The following CSNK1G1 variants were observed in gnomAD, a reference collection of about 807,000 sequenced individuals.
CSNK1G1 encodes the protein casein kinase 1 gamma 1.
In CSNK1G1, 22 loss-of-function variants were observed where a neutral mutation model predicts 59.6. That is an observed-to-expected ratio of 0.37 (90% confidence interval 0.26 to 0.53). The LOEUF (loss-of-function observed/expected upper bound fraction) is 0.53, where lower values mean the gene tolerates loss of function less well. CSNK1G1 is among the 20% of genes least tolerant of loss of function. CSNK1G1 has a pLI of 0.89. For synonymous variants in CSNK1G1, 179 were observed against 177.1 expected, an observed-to-expected ratio of 1.01 and a Z score of -0.08; for missense variants, 384 against 519.5, an observed-to-expected ratio of 0.74 and a Z score of 2.54.
intron 1 of CSNK1G1, among the ~76,000 whole-genome samples, chr15:64,309,353 A>ACACAC (rs1566942519): frequency 7.7e-6 from 1 of 130,650 alleles, no homozygotes; most frequent in African/African-American, 2.8e-5. Context: ...CACACACACA[A>ACACAC]ATAAATGAGT....
intron 11 of CSNK1G1, among the ~76,000 whole-genome samples, chr15:64,173,596 G>T (rs1030202439): frequency 1.2e-4 from 18 of 149,332 alleles, no homozygotes; most frequent in Non-Finnish European, 2.4e-4. Context: ...GGTGTTTTTT[G>T]GTGTTTTTCT....
intron 1 of CSNK1G1, among the ~76,000 whole-genome samples, chr15:64,345,072 A>C (rs1897879875): frequency 6.6e-6 from 1 of 152,200 alleles, no homozygotes; most frequent in South Asian, 2.1e-4. Flanking sequence ...CTTGCATCAT[A>C]CCCTAGATGA....
At chr15:64,225,446 T>C (rs1241668073) in intron 4 of CSNK1G1, among the ~76,000 whole-genome samples, 1 of 152,184 alleles carries the variant, frequency 6.6e-6, no homozygotes, top group Non-Finnish European at 1.5e-5. Context: ...TGGTCCATTC[T>C]GGGACCTTCA....
Position 64,204,523 on chromosome 15 carries a change from T to C in CSNK1G1, c.917A>G (p.Tyr306Cys), listed in dbSNP as rs1373142128. ...LDFFEKPDYE[Y>C]LRTLFTDLFE... ...GAGGTCTGTGAAGAGGGTCCGTAAA[T>C]ACTCATAATCAGGTTTTTCAAAGAA... Residue 306 changes from tyrosine (Y) to cysteine (C), a missense_variant, in exon 9 of 12, where the codon TAT becomes TGT. By Grantham distance (194) the Tyr-to-Cys change is radical. Coordinates refer to ENST00000303052, the MANE Select transcript of CSNK1G1 (RefSeq NM_022048.5). 1 of 1,613,088 alleles carries C rather than the reference T, an allele frequency of 6.2e-7. No individual in the cohort carries two copies. The highest frequency in any genetic ancestry group is 1.3e-5 in the African/African-American group (1 of 74,728).
intron 3 of CSNK1G1, among the ~76,000 whole-genome samples, chr15:64,258,391 A>T (rs984739701): frequency 2.0e-5 from 3 of 151,892 alleles, no homozygotes; most frequent in Admixed American, 6.6e-5. Context: ...TCCAAAAAAA[A>T]AAAAATAAAG....
intron 3 of CSNK1G1, among the ~76,000 whole-genome samples, chr15:64,254,284 T>C (rs970222399): frequency 6.6e-6 from 1 of 151,638 alleles, no homozygotes; most frequent in Non-Finnish European, 1.5e-5. Flanking sequence ...TTAGGGAAGA[T>C]GAAAAAGTTC....
intron 2 of CSNK1G1, among the ~76,000 whole-genome samples, chr15:64,292,323 A>G (rs1894789246): frequency 6.6e-6 from 1 of 152,222 alleles, no homozygotes; most frequent in Admixed American, 6.5e-5. Context: ...AATCACAGAA[A>G]TAAGTGTCTT....
At chr15:64,183,323 T>C (rs1320371871) in intron 10 of CSNK1G1, among the ~76,000 whole-genome samples, 1 of 152,236 alleles carries the variant, frequency 6.6e-6, no homozygotes, top group Non-Finnish European at 1.5e-5. Flanking sequence ...TCAATGAGCA[T>C]GTGGTCTCAA....
At chr15:64,175,751 T>A (rs891396478) in intron 11 of CSNK1G1, among the ~76,000 whole-genome samples, 1 of 152,216 alleles carries the variant, frequency 6.6e-6, no homozygotes, top group African/African-American at 2.4e-5. Flanking sequence ...TCCCCCTTTT[T>A]TGAGGTTGCT....
chr15:64,303,897 G>T (rs1895512415), intron 1 of CSNK1G1, among the ~76,000 whole-genome samples: 2 of 142,560 alleles, frequency 1.4e-5, no homozygotes, highest in African/African-American at 5.3e-5. Context: ...TCCAGTATGG[G>T]TGAGAGCAAG....
intron 1 of CSNK1G1, among the ~76,000 whole-genome samples, chr15:64,343,963 A>G (rs935385641): frequency 3.9e-5 from 6 of 152,044 alleles, no homozygotes; most frequent in African/African-American, 1.4e-4. Context: ...AGCAAATTAC[A>G]TTCCTTTCTT....
In CSNK1G1 at chr15:64,234,991, G is replaced by A. The variant is rs375187960; in HGVS notation, c.292+16521C>T. On this transcript the variant is annotated intron_variant, in intron 4 of 11. Coordinates refer to ENST00000303052, the MANE Select transcript of CSNK1G1 (RefSeq NM_022048.5). ...CCCACAAAATACAAGAAGCAGAGAAGGCTGGTAATGTAGACAAAATGATAC... is the reference window on the plus strand; with the variant it reads ...CCCACAAAATACAAGAAGCAGAGAAAGCTGGTAATGTAGACAAAATGATAC... 2.0e-5 allele frequency among the ~76,000 whole-genome samples: 3 copies of A among 152,156 alleles called. No homozygotes were observed. In the East Asian group the frequency reaches 5.8e-4, roughly 29 times the overall value.
chr15:64,308,237 G>A (rs1029351040), intron 1 of CSNK1G1, among the ~76,000 whole-genome samples: 7 of 151,764 alleles, frequency 4.6e-5, no homozygotes, highest in African/African-American at 9.7e-5. Context: ...TCATAAATTC[G>A]TCTGTTCTAC....
chr15:64,287,197 C>T (rs1227417818), intron 2 of CSNK1G1, among the ~76,000 whole-genome samples: 1 of 152,118 alleles, frequency 6.6e-6, no homozygotes, highest in African/African-American at 2.4e-5. Context: ...GTTGTTCTCC[C>T]TAGACCAAGT....
chr15:64,178,321 C>G (rs182093278), intron 11 of CSNK1G1, among the ~76,000 whole-genome samples: 103 of 152,156 alleles, frequency 6.8e-4, no homozygotes, highest in African/African-American at 2.3e-3. Context: ...CAGCATAACC[C>G]TCACCCCCTT....
chr15:64,265,423 C>T lies in CSNK1G1; in HGVS notation c.182-6182G>A, dbSNP rs142124705. Among the ~76,000 whole-genome samples the T allele has an allele frequency of 2.4e-3, 359 of 152,230 alleles. 2 individuals are homozygous for T. Among genetic ancestry groups the T allele is most frequent in the Admixed American group, 5.4e-3 (83 of 15,286 alleles). On this transcript the variant is annotated intron_variant, in intron 2 of 11. Coordinates refer to ENST00000303052, the MANE Select transcript of CSNK1G1 (RefSeq NM_022048.5). Reference sequence around the variant, plus strand: ...TTCTCATGATAGTGAATAAGTCTCACAAGATCTGATGGTTTTATAAAGGGG... The same window carrying T: ...TTCTCATGATAGTGAATAAGTCTCATAAGATCTGATGGTTTTATAAAGGGG...
chr15:64,173,701 C>T (rs977637386), intron 11 of CSNK1G1, among the ~76,000 whole-genome samples: 2 of 147,514 alleles, frequency 1.4e-5, no homozygotes, highest in African/African-American at 2.5e-5. Flanking sequence ...CTGCTCACTG[C>T]AACCTCCACC....
rs1314945424 is a variant in CSNK1G1, at chr15:64,270,603, C to CA, written c.182-11363dup. Among the ~76,000 whole-genome samples the CA allele has an allele frequency of 4.0e-4, 61 of 151,846 alleles. 1 individual carries two copies. In the Middle Eastern group the frequency reaches 0.01, roughly 25 times the overall value. On this transcript the variant is annotated intron_variant, in intron 2 of 11. Transcript: ENST00000303052. ...TGAAACCCCGTCTCTACTAAAAATA[C>CA]AAAAAAATTAGCCGGGCGTGGTGGC... is the stretch of plus-strand genomic sequence containing the variant.
intron 4 of CSNK1G1, among the ~76,000 whole-genome samples, chr15:64,240,265 G>A (rs991628322): frequency 6.6e-6 from 1 of 152,014 alleles, no homozygotes; most frequent in Non-Finnish European, 1.5e-5. Context: ...CAAAAATAAT[G>A]AAAAAGAGTG....
Sources: allele counts gnomAD v4.1 joint callset (sites outside exome capture counted in the v4.1 genomes callset), GRCh38; gene constraint gnomAD v4.1.1; transcripts MANE v1.5; gene names NCBI Gene and HGNC (gene_info 2026-07-23, HGNC 2026-07-21).